The following RSBN1 variants were observed in gnomAD, a reference collection of about 807,000 sequenced individuals.
RSBN1 encodes the protein lysine-specific demethylase 9.
A neutral mutation model predicts 74.8 loss-of-function variants in RSBN1; 23 were observed. The observed-to-expected ratio is 0.31, with a 90% CI of 0.22 to 0.44. The LOEUF is 0.44. Among genes scored for constraint, RSBN1 ranks in the 20% least tolerant of loss-of-function variants. The pLI is 1.00. For synonymous variants in RSBN1, 407 were observed against 379.6 expected (o/e 1.07, Z -0.84); for missense variants, 808 against 1,020.9 (o/e 0.79, Z 2.84).
rs760171086 is a variant in RSBN1 at position 113,811,982 on chromosome 1, G to A, written c.431C>T (p.Pro144Leu). 6 of 1,564,568 alleles carry A rather than the reference G, an allele frequency of 3.8e-6. No individual in the cohort carries two copies. Among genetic ancestry groups the A allele is most frequent in the Non-Finnish European group, 5.2e-6 (6 of 1,154,790 alleles). The part of the protein sequence containing the change: ...VPGPVEPLLL[P>L]PPPPPSLAPA... ...TGCCAGCGAAGGTGGCGGCGGAGGCGGCAGGAGAAGAGGCTCAACAGGGCC... is the reference window on the plus strand; with the variant it reads ...TGCCAGCGAAGGTGGCGGCGGAGGCAGCAGGAGAAGAGGCTCAACAGGGCC... Residue 144 changes from proline (P) to leucine (L), a missense_variant, in exon 1 of 7, where the codon CCG (proline) becomes CTG (leucine). Transcript: ENST00000261441.
chr1:113,787,426 A>G (rs551915196), intron 2 of RSBN1, among the ~76,000 whole-genome samples: 3 of 152,362 alleles, frequency 2.0e-5, no homozygotes, highest in Non-Finnish European at 4.4e-5. Flanking sequence ...AACTCTGGCT[A>G]ACTTTTATAG....
chr1:113,774,032 C>T (rs1273882035), intron 4 of RSBN1, among the ~76,000 whole-genome samples: 5 of 151,882 alleles, frequency 3.3e-5, no homozygotes, highest in South Asian at 4.1e-4. Context: ...AAAACAAACA[C>T]GCATATGCAC....
chr1:113,771,129 C>T (rs895897273), intron 4 of RSBN1, among the ~76,000 whole-genome samples: 4 of 151,640 alleles, frequency 2.6e-5, no homozygotes, highest in South Asian at 4.2e-4. Flanking sequence ...AGCTTGCAGA[C>T]AAGAAAAAAA....
At position 113,770,281 on chromosome 1, in the gene RSBN1, C is replaced by G. The variant is rs1474232542; in HGVS notation, c.1659-1892G>C. Among the ~76,000 whole-genome samples, 12 of 152,270 alleles carry G rather than the reference C, an allele frequency of 7.9e-5. No homozygotes were observed. The East Asian group carries it at 2.1e-3, about 27-fold the overall frequency. ...TGATGTCTAGAACTGCCTCAGCCAT[C>G]TAGCAACTATAAAGGGAGCTAGTGT... On this transcript the variant is annotated intron_variant, in intron 4 of 6. Transcript: ENST00000261441.
intron 2 of RSBN1, chr1:113,796,360 C>A (rs1660472443): frequency 6.6e-6 from 1 of 152,144 alleles, no homozygotes; most frequent in Admixed American, 6.6e-5. Context: ...AAACTGGATA[C>A]TCCCCTCATT....
intron 1 of RSBN1, among the ~76,000 whole-genome samples, chr1:113,806,243 A>G (rs905500584): frequency 4.6e-5 from 7 of 151,840 alleles, no homozygotes; most frequent in Non-Finnish European, 8.8e-5. Flanking sequence ...GCTGAGGCAT[A>G]AGATTCCCAT....
intron 2 of RSBN1, among the ~76,000 whole-genome samples, chr1:113,780,779 T>C (rs2101801540): frequency 6.6e-6 from 1 of 152,360 alleles, no homozygotes; most frequent in Admixed American, 6.5e-5. Flanking sequence ...AGTAAACAAC[T>C]ATGCTACAAA....
chr1:113,767,043 T>C lies in RSBN1; in HGVS notation c.1935+56A>G, dbSNP rs1382582581. On this transcript the variant is annotated intron_variant, in intron 6 of 6. Transcript: ENST00000261441. ...CTGTAAGATAAAATTCAAAATAAAA[T>C]GGGTATAGATATTTACTTCTAATAT... 3.3e-6 allele frequency: 3 copies of C among 911,658 alleles called. No homozygotes were observed. In the Admixed American group the frequency reaches 7.9e-5, roughly 24 times the overall value. 56.5% of individuals were successfully genotyped at this position (911,658 alleles called of 1,614,324 possible).
intron 4 of RSBN1, among the ~76,000 whole-genome samples, chr1:113,775,695 A>G (rs1660011855): frequency 6.6e-6 from 1 of 152,152 alleles, no homozygotes. Flanking sequence ...GAAACAAATG[A>G]TGGTCATTTT....
At chr1:113,774,479 C>T (rs1659948345) in intron 4 of RSBN1, among the ~76,000 whole-genome samples, 1 of 151,820 alleles carries the variant, frequency 6.6e-6, no homozygotes, top group Non-Finnish European at 1.5e-5. Context: ...TCGAGACCAT[C>T]CTGGCTAACA....
chr1:113,796,017 T>A (rs567210060), intron 2 of RSBN1, among the ~76,000 whole-genome samples: 1 of 152,162 alleles, frequency 6.6e-6, no homozygotes, highest in African/African-American at 2.4e-5. Context: ...ATATCTTTCC[T>A]TGTTAAATAG....
intron 1 of RSBN1, among the ~76,000 whole-genome samples, chr1:113,800,721 T>C (rs1258230555): frequency 6.6e-6 from 1 of 152,150 alleles, no homozygotes; most frequent in East Asian, 1.9e-4. Context: ...TCTGTATTAC[T>C]ATCAACTTTC....
Position 113,811,834 on chromosome 1 carries a change from C to A in RSBN1, c.579G>T (p.Lys193Asn). 6.2e-7 allele frequency: 1 copy of A among 1,613,764 alleles called. No homozygotes were observed. The highest frequency in any genetic ancestry group is 8.5e-7 in the Non-Finnish European group (1 of 1,179,978). Reference sequence around the variant, plus strand: ...CATCGGGGCCGCGGTGGTGATGGTGCTTGTGCCGCTCCTTGTGGCCCTTAT... The same window carrying A: ...CATCGGGGCCGCGGTGGTGATGGTGATTGTGCCGCTCCTTGTGGCCCTTAT... The part of the protein sequence containing the change: ...PKHKGHKERH[K>N]HHHHRGPDGD... The change falls in exon 1 of 7, where the codon AAG becomes AAT. Residue 193 changes from lysine (K) to asparagine (N), a missense_variant. By Grantham distance (94) the Lys-to-Asn change is moderately conservative. Around this residue, in one of 6 missense-constraint regions of RSBN1, gnomAD observed 464 missense variants for 401.0 expected, o/e 1.16. Transcript: ENST00000261441.
At chr1:113,785,128 T>TG (rs1022458832) in intron 2 of RSBN1, among the ~76,000 whole-genome samples, 3 of 151,970 alleles carry the variant, frequency 2.0e-5, no homozygotes, top group Non-Finnish European at 4.4e-5. Flanking sequence ...TTAAAAACTT[T>TG]TTTTTTTACT....
rs753362463 is a variant in RSBN1, at chr1:113,812,376, T to C, written c.37A>G (p.Arg13Gly). The C allele has an allele frequency of 2.5e-6, 4 of 1,602,332 alleles. No homozygotes were observed. The highest frequency in any genetic ancestry group is 1.7e-4 in the Middle Eastern group (1 of 6,058). ...ISGRRTADKW[R>G]AEERLQCPAG... ...GGGCATTGGAGTCTCTCCTCCGCCC[T>C]CCACTTGTCGGCCGTTCTTCGTCCA... The change falls in exon 1 of 7, where the codon AGG becomes GGG. Residue 13 changes from arginine to glycine, a missense_variant. By Grantham distance (125) the Arg-to-Gly change is moderately radical. Around this residue, in one of 6 missense-constraint regions of RSBN1, gnomAD observed 464 missense variants for 401.0 expected, o/e 1.16. Transcript: ENST00000261441.
chr1:113,809,723 C>T (rs1458730097), intron 1 of RSBN1, among the ~76,000 whole-genome samples: 1 of 152,198 alleles, frequency 6.6e-6, no homozygotes, highest in Non-Finnish European at 1.5e-5. Context: ...CTCTTCTTCA[C>T]ATGTTGGCAA....
At position 113,771,670 on chromosome 1, in the gene RSBN1, T is replaced by C. The variant is rs183397052; in HGVS notation, c.1659-3281A>G. On this transcript the variant is annotated intron_variant, in intron 4 of 6. Coordinates refer to ENST00000261441, the MANE Select transcript of RSBN1 (RefSeq NM_018364.5). ...AGTCAAACAGATGAGAAAGTCAGCGTGGTTCTGGAAGAAAGTAATGTACCT... is the reference window on the plus strand; with the variant it reads ...AGTCAAACAGATGAGAAAGTCAGCGCGGTTCTGGAAGAAAGTAATGTACCT... Among the ~76,000 whole-genome samples the C allele has an allele frequency of 3.2e-3, 483 of 151,098 alleles. 3 individuals carry two copies. The highest frequency in any genetic ancestry group is 6.5e-3 in the Admixed American group (99 of 15,184).
At chr1:113,773,251 G>A (rs534368804) in intron 4 of RSBN1, among the ~76,000 whole-genome samples, 2 of 152,234 alleles carry the variant, frequency 1.3e-5, no homozygotes, top group Non-Finnish European at 2.9e-5. Context: ...TGGGTTGGGC[G>A]TGGTGGCTCA....
intron 2 of RSBN1, among the ~76,000 whole-genome samples, chr1:113,782,749 A>G (rs1206230229): frequency 6.6e-6 from 1 of 152,180 alleles, no homozygotes; most frequent in Non-Finnish European, 1.5e-5. Flanking sequence ...GTCTGTACTA[A>G]TTTAGATTGA....
Sources: gnomAD v4.1 joint callset for allele counts (sites outside exome capture counted in the v4.1 genomes callset) on GRCh38, gnomAD v4.1.1 for gene constraint, gnomAD v4.1.1 regional missense constraint, MANE v1.5 for transcripts, NCBI Gene and HGNC (gene_info 2026-07-23, HGNC 2026-07-21) for gene names.